DNM3: variants seen among roughly 807,000 people sequenced by gnomAD.
DNM3 encodes the protein dynamin 3, also known as dynamin-3.
In DNM3, 47 loss-of-function variants were observed where a neutral mutation model predicts 101.6. That is an observed-to-expected ratio of 0.46 (90% CI 0.37 to 0.59). The LOEUF is 0.59. DNM3 is among the 20% of genes least tolerant of loss of function. The pLI is 0.00. For missense variants in DNM3, 849 were observed against 1,085.7 expected, an observed-to-expected ratio of 0.78 and a Z score of 3.06; for synonymous variants, 385 against 387.9, an observed-to-expected ratio of 0.99 and a Z score of 0.09.
intron 4 of DNM3, among the ~76,000 whole-genome samples, chr1:172,027,617 C>CAG (rs1553340555): frequency 0.15 from 22,057 of 146,894 alleles, 2,101 homozygotes; most frequent in Non-Finnish European, 0.22. Flanking sequence ...CACACACACA[C>CAG]AGAGAGAGAG....
At chr1:172,272,873 C>T (rs1195061159) in intron 15 of DNM3, among the ~76,000 whole-genome samples, 1 of 152,114 alleles carries the variant, frequency 6.6e-6, no homozygotes, top group Non-Finnish European at 1.5e-5. Context: ...GTGTGCACTT[C>T]TCCAGCTAAT....
chr1:172,201,335 T>C (rs1016588315), intron 14 of DNM3, among the ~76,000 whole-genome samples: 1 of 152,178 alleles, frequency 6.6e-6, no homozygotes, highest in African/African-American at 2.4e-5. Flanking sequence ...GACTTGGTAC[T>C]CCTTGGCTGC....
At chr1:172,162,108 G>A (rs1169561492) in intron 14 of DNM3, among the ~76,000 whole-genome samples, 1 of 152,036 alleles carries the variant, frequency 6.6e-6, no homozygotes, top group Non-Finnish European at 1.5e-5. Context: ...ATTAGACATG[G>A]ACTTATGTTA....
intron 2 of DNM3, among the ~76,000 whole-genome samples, chr1:171,970,575 T>G (rs2043919692): frequency 2.0e-5 from 3 of 152,136 alleles, no homozygotes; most frequent in Non-Finnish European, 4.4e-5. Flanking sequence ...CTAAGATATA[T>G]AATTATCCTC....
intron 4 of DNM3, among the ~76,000 whole-genome samples, chr1:172,003,118 A>T (rs934828812): frequency 2.6e-5 from 4 of 152,060 alleles, no homozygotes; most frequent in African/African-American, 9.7e-5. Context: ...AGTAACATGA[A>T]TCTTCATTTT....
At chr1:171,904,720 A>G (rs1483157309) in intron 1 of DNM3, among the ~76,000 whole-genome samples, 1 of 151,984 alleles carries the variant, frequency 6.6e-6, no homozygotes, top group Admixed American at 6.6e-5. Flanking sequence ...GGAGGTCCTT[A>G]TGGTAGGTAT....
At chr1:171,873,635 T>C (rs2035495307) in intron 1 of DNM3, among the ~76,000 whole-genome samples, 1 of 152,288 alleles carries the variant, frequency 6.6e-6, no homozygotes, top group East Asian at 1.9e-4. Flanking sequence ...ATTAATTGTG[T>C]CTCATCTCCT....
At chr1:171,942,701 G>C (rs372523530) in intron 2 of DNM3, among the ~76,000 whole-genome samples, 92 of 152,274 alleles carry the variant, frequency 6.0e-4, no homozygotes, top group Non-Finnish European at 9.7e-4. Flanking sequence ...TAGGGTAAGG[G>C]AACTGGGAGT....
chr1:172,160,901 A>T (rs1039396695), intron 14 of DNM3, among the ~76,000 whole-genome samples: 2 of 152,042 alleles, frequency 1.3e-5, no homozygotes, highest in African/African-American at 4.8e-5. Context: ...ATGAACCCAT[A>T]GGAATTTTTC....
chr1:172,143,122 A>T (rs1242205936), intron 14 of DNM3, among the ~76,000 whole-genome samples: 3 of 152,176 alleles, frequency 2.0e-5, no homozygotes, highest in Non-Finnish European at 2.9e-5. Context: ...TTTTTAAAGT[A>T]AGTTGTTTTG....
chr1:172,416,911 A>G (rs538686475), downstream of DNM3, among the ~76,000 whole-genome samples: 1 of 152,266 alleles, frequency 6.6e-6, no homozygotes, highest in African/African-American at 2.4e-5. Flanking sequence ...CATCATTTAA[A>G]TGGATGGGAG....
chr1:171,913,641 G>C (rs1337221000), intron 1 of DNM3, among the ~76,000 whole-genome samples: 4 of 152,144 alleles, frequency 2.6e-5, no homozygotes, highest in African/African-American at 4.8e-5. Flanking sequence ...GTGCTTCTTG[G>C]AGCAGGGGGT....
intron 13 of DNM3, among the ~76,000 whole-genome samples, chr1:172,124,492 A>T (rs181707820): frequency 5.1e-4 from 78 of 152,132 alleles, no homozygotes; most frequent in African/African-American, 1.7e-3. Context: ...TTTCCTTTGC[A>T]TTTCTCCTCC....
chr1:171,907,095 C>T (rs943271500), intron 1 of DNM3, among the ~76,000 whole-genome samples: 2 of 152,232 alleles, frequency 1.3e-5, no homozygotes, highest in Non-Finnish European at 2.9e-5. Flanking sequence ...GTCTAGGCTT[C>T]CCTGATGTTT....
chr1:172,040,762 A>G (rs1030854297), intron 7 of DNM3, among the ~76,000 whole-genome samples: 1 of 152,164 alleles, frequency 6.6e-6, no homozygotes, highest in African/African-American at 2.4e-5. Flanking sequence ...GGGAAGAACC[A>G]ATGCTTGAGC....
At chr1:171,894,771 G>A (rs750072393) in intron 1 of DNM3, among the ~76,000 whole-genome samples, 1 of 148,578 alleles carries the variant, frequency 6.7e-6, no homozygotes, top group Non-Finnish European at 1.5e-5. Context: ...GGTGTATGAT[G>A]TTCCCTGCCC....
chr1:172,163,541 A>G (rs1048789830), intron 14 of DNM3, among the ~76,000 whole-genome samples: 1 of 151,868 alleles, frequency 6.6e-6, no homozygotes, highest in African/African-American at 2.4e-5. Context: ...CCTGGCCAAT[A>G]TTCTTAACTA....
At chr1:172,091,224 C>T (rs1167501170) in intron 12 of DNM3, among the ~76,000 whole-genome samples, 3 of 152,192 alleles carry the variant, frequency 2.0e-5, no homozygotes, top group Non-Finnish European at 4.4e-5. Context: ...ATGTCCTTTG[C>T]AGGCCCTGGG....
intron 13 of DNM3, among the ~76,000 whole-genome samples, chr1:172,109,911 A>C (rs1158461252): frequency 6.6e-6 from 1 of 152,230 alleles, no homozygotes; most frequent in Non-Finnish European, 1.5e-5. Flanking sequence ...AATAATTAAA[A>C]GACTGACTTT....
Sources: gnomAD v4.1 joint callset for allele counts (sites outside exome capture counted in the v4.1 genomes callset) on GRCh38, gnomAD v4.1.1 for gene constraint, MANE v1.5 for transcripts, NCBI Gene and HGNC (gene_info 2026-07-23, HGNC 2026-07-21) for gene names.